Variants in SPIRE1 observed in about 807,000 individuals in gnomAD.
The protein encoded by SPIRE1 is protein spire homolog 1.
A neutral mutation model predicts 94.1 loss-of-function variants in SPIRE1; 40 were observed. That is an observed-to-expected ratio of 0.43 (90% CI 0.33 to 0.55). SPIRE1 has a LOEUF of 0.55. SPIRE1 is among the 20% of genes least tolerant of loss of function. The pLI, the probability that SPIRE1 is intolerant of heterozygous loss-of-function variation, is 0.06. For synonymous variants in SPIRE1, 376 were observed against 371.7 expected, an observed-to-expected ratio of 1.01 and a Z score of -0.13; for missense variants, 838 against 975.2, an observed-to-expected ratio of 0.86 and a Z score of 1.87.
chr18:12,551,518 G>A (rs1353344023), intron 2 of SPIRE1, among the ~76,000 whole-genome samples: 3 of 152,056 alleles, frequency 2.0e-5, no homozygotes, highest in South Asian at 2.1e-4. Context: ...TGGCTAACAC[G>A]GAGAAACCCT....
rs760058370 is a variant in SPIRE1 at position 12,447,066 on chromosome 18, C to T, written c.*2572G>A. 2.6e-5 allele frequency: 4 copies of T among 152,054 alleles called. No individual in the cohort carries two copies. Among genetic ancestry groups the T allele is most frequent in the East Asian group, 1.9e-4 (1 of 5,196 alleles). The allele number at this position is 152,054 out of a possible 1,614,324, so 9.4% of individuals were successfully genotyped here. On this transcript the variant is annotated 3_prime_UTR_variant, in exon 17 of 17. Coordinates refer to ENST00000409402, the MANE Select transcript of SPIRE1 (RefSeq NM_001128626.2). ...TATTTACAAGCATTCTTATACACTC[C>T]GACACTGACAGGGAGTTAAGCCATG...
At chr18:12,635,004 T>TA (rs1168192794) in intron 2 of SPIRE1, 58 bp downstream of exon 2, 3 of 921,656 alleles carry the variant, frequency 3.3e-6, no homozygotes, top group Middle Eastern at 2.1e-4. Flanking sequence ...GTACTCAAGT[T>TA]AGTCTAAACA....
In SPIRE1 at chr18:12,449,251, G is replaced by A. The variant is rs2031098868; in HGVS notation, c.*387C>T. On this transcript the variant is annotated 3_prime_UTR_variant, in exon 17 of 17. Transcript: ENST00000409402. Reference sequence around the variant, plus strand: ...AAATGCCAATATGACTTACTGCTTAGGGCTGTGCTGACATCGGCATCTCTG... The same window carrying A: ...AAATGCCAATATGACTTACTGCTTAAGGCTGTGCTGACATCGGCATCTCTG... 4.4e-6 allele frequency: 1 copy of A among 229,716 alleles called. No homozygotes were observed. Among genetic ancestry groups the A allele is most frequent in the Admixed American group, 5.2e-5 (1 of 19,236 alleles). 14.2% of individuals were successfully genotyped at this position (229,716 alleles called of 1,614,324 possible). A position where few individuals can be genotyped will look rare whatever the true frequency, so the allele number is the denominator to read the frequency against.
At chr18:12,643,050 A>G (rs1373404831) in intron 1 of SPIRE1, among the ~76,000 whole-genome samples, 1 of 152,224 alleles carries the variant, frequency 6.6e-6, no homozygotes, top group Non-Finnish European at 1.5e-5. Flanking sequence ...CTCATTACAA[A>G]AAGATATTTC....
intron 4 of SPIRE1, among the ~76,000 whole-genome samples, chr18:12,519,856 T>C (rs968596328): frequency 1.2e-4 from 19 of 152,210 alleles, no homozygotes; most frequent in Non-Finnish European, 2.6e-4. Flanking sequence ...CTACTAAACC[T>C]CTAGGAAGGA....
At chr18:12,470,406 C>G (rs1568190258) in intron 10 of SPIRE1, among the ~76,000 whole-genome samples, 1 of 152,118 alleles carries the variant, frequency 6.6e-6, no homozygotes, top group Non-Finnish European at 1.5e-5. Flanking sequence ...ACGTTGCTCC[C>G]CCAGAAGTGT....
At position 12,635,862 on chromosome 18, in the gene SPIRE1, G is replaced by A. The variant is rs146974709; in HGVS notation, c.338-766C>T. On this transcript the variant is annotated intron_variant, in intron 1 of 16. Transcript: ENST00000409402. ...ACAATTATACAATTAATTATACTGC[G>A]TACTAGAAAATTGGGTTTTTTTGGT... Among the ~76,000 whole-genome samples the A allele has an allele frequency of 4.6e-3, 691 of 151,432 alleles. 4 individuals carry two copies. Among genetic ancestry groups the A allele is most frequent in the African/African-American group, 0.014 (585 of 41,358 alleles).
chr18:12,489,246 GA>G (rs994473653), intron 8 of SPIRE1, among the ~76,000 whole-genome samples: 5 of 151,720 alleles, frequency 3.3e-5, no homozygotes, highest in African/African-American at 7.2e-5. Flanking sequence ...AAAAAGTAAA[GA>G]AAAAAAACAT....
intron 1 of SPIRE1, among the ~76,000 whole-genome samples, chr18:12,640,960 T>C (rs2038068107): frequency 6.6e-6 from 1 of 152,132 alleles, no homozygotes; most frequent in Admixed American, 6.6e-5. Flanking sequence ...AAGAACGTAG[T>C]GGAGACAGCC....
In SPIRE1 at chr18:12,638,514, A is replaced by G. The variant is rs142039841; in HGVS notation, c.338-3418T>C. Among the ~76,000 whole-genome samples the G allele has an allele frequency of 2.0e-5, 3 of 152,320 alleles. No individual in the cohort carries two copies. In the East Asian group the frequency reaches 5.8e-4, roughly 29 times the overall value. ...GCTCAAGGAGTCAAATGAGTTGCAC[A>G]TAATGACACAGAGTTGGTGACAGAG... On this transcript the variant is annotated intron_variant, in intron 1 of 16. Transcript: ENST00000409402.
intron 6 of SPIRE1, among the ~76,000 whole-genome samples, chr18:12,499,864 C>G (rs2033596230): frequency 6.6e-6 from 1 of 152,136 alleles, no homozygotes. Context: ...AGGGGTCCAC[C>G]ATCCAGAATA....
intron 2 of SPIRE1, chr18:12,588,269 A>AAG (rs2036440800): frequency 6.6e-6 from 1 of 152,508 alleles, no homozygotes; most frequent in Non-Finnish European, 1.5e-5. Flanking sequence ...TTTTTTTTAA[A>AAG]AGTAGATTAG....
chr18:12,612,722 C>T (rs1052000960), intron 2 of SPIRE1, among the ~76,000 whole-genome samples: 1 of 152,214 alleles, frequency 6.6e-6, no homozygotes, highest in African/African-American at 2.4e-5. Context: ...TATCCTAACT[C>T]ACCTGCCTCT....
chr18:12,617,358 G>A (rs1212730528), intron 2 of SPIRE1, among the ~76,000 whole-genome samples: 1 of 151,902 alleles, frequency 6.6e-6, no homozygotes, highest in African/African-American at 2.4e-5. Context: ...GGGATTACAC[G>A]CACCAACCAC....
intron 5 of SPIRE1, among the ~76,000 whole-genome samples, chr18:12,510,114 T>C (rs567381580): frequency 2.7e-5 from 4 of 150,654 alleles, no homozygotes; most frequent in African/African-American, 4.9e-5. Flanking sequence ...AAAAACAGTA[T>C]ATACCATATG....
chr18:12,557,904 A>C (rs1310372908), intron 2 of SPIRE1, among the ~76,000 whole-genome samples: 4 of 152,154 alleles, frequency 2.6e-5, no homozygotes, highest in African/African-American at 9.7e-5. Context: ...AGTTGCCAAG[A>C]ATATACACTG....
At chr18:12,601,065 G>T (rs2036820905) in intron 2 of SPIRE1, among the ~76,000 whole-genome samples, 1 of 152,052 alleles carries the variant, frequency 6.6e-6, no homozygotes, top group African/African-American at 2.4e-5. Context: ...TCCAGACTTG[G>T]CCAGTGGGCA....
intron 2 of SPIRE1, among the ~76,000 whole-genome samples, chr18:12,553,510 A>G (rs1420933467): frequency 6.6e-6 from 1 of 152,202 alleles, no homozygotes. Flanking sequence ...AGGCGAGGGA[A>G]GAGTGGGAAG....
Position 12,586,096 on chromosome 18 carries a change from G to A in SPIRE1, c.373-39192C>T, listed in dbSNP as rs143855750. ...CTCCCAAGTAGCTGTGGCTACAGGC[G>A]TGTGCCATCACGCCCTGCTAATTTT... is the stretch of plus-strand genomic sequence containing the variant. On this transcript the variant is annotated intron_variant, in intron 2 of 16. Transcript: ENST00000409402. Among the ~76,000 whole-genome samples, 304 of 152,074 alleles carry A rather than the reference G, an allele frequency of 2.0e-3. 4 individuals carry two copies. The highest frequency in any genetic ancestry group is 2.4e-4 in the Non-Finnish European group (16 of 68,030).
Sources: allele counts gnomAD v4.1 joint callset (sites outside exome capture counted in the v4.1 genomes callset), GRCh38; gene constraint gnomAD v4.1.1; transcripts MANE v1.5; gene names NCBI Gene and HGNC (gene_info 2026-07-23, HGNC 2026-07-21).